Variants in LDB2 observed in about 807,000 individuals in gnomAD.
The protein encoded by LDB2 is LIM domain-binding protein 2.
A neutral mutation model predicts 44.3 loss-of-function variants in LDB2; 12 were observed. The ratio of observed to expected loss-of-function variants is 0.27; its 90% confidence interval spans 0.17 to 0.44. The LOEUF (loss-of-function observed/expected upper bound fraction) is 0.44. LDB2 is among the 20% of genes least tolerant of loss of function. The pLI is 1.00. For synonymous variants in LDB2, 164 were observed against 174.8 expected, an observed-to-expected ratio of 0.94 and a Z score of 0.49; for missense variants, 344 against 473.5, an observed-to-expected ratio of 0.73 and a Z score of 2.54.
At chr4:16,778,838 T>A (rs1179941192) in intron 1 of LDB2, among the ~76,000 whole-genome samples, 1 of 152,124 alleles carries the variant, frequency 6.6e-6, no homozygotes, top group Non-Finnish European at 1.5e-5. Context: ...CATAGACAAA[T>A]ATATAACAAA....
At chr4:16,782,051 A>T (rs1172019021) in intron 1 of LDB2, among the ~76,000 whole-genome samples, 1 of 152,192 alleles carries the variant, frequency 6.6e-6, no homozygotes, top group Non-Finnish European at 1.5e-5. Flanking sequence ...GTGTGTGGTG[A>T]CTTGTTAGGG....
chr4:16,695,472 A>G (rs2152616227), intron 2 of LDB2, among the ~76,000 whole-genome samples: 1 of 151,914 alleles, frequency 6.6e-6, no homozygotes, highest in East Asian at 1.9e-4. Context: ...AAAAAAAAAA[A>G]GAAGAAGAAA....
chr4:16,614,109 C>T (rs572572026), intron 2 of LDB2, among the ~76,000 whole-genome samples: 2 of 152,198 alleles, frequency 1.3e-5, no homozygotes, highest in East Asian at 3.9e-4. Context: ...TCAGAAATAA[C>T]ACCACACATA....
intron 2 of LDB2, among the ~76,000 whole-genome samples, chr4:16,672,668 A>G (rs1745108968): frequency 3.3e-5 from 5 of 152,222 alleles, no homozygotes; most frequent in Admixed American, 1.3e-4. Context: ...AGGCAGGCCA[A>G]CATCAATGGA....
intron 2 of LDB2, among the ~76,000 whole-genome samples, chr4:16,742,983 T>A (rs1763638711): frequency 6.6e-6 from 1 of 152,180 alleles, no homozygotes; most frequent in African/African-American, 2.4e-5. Context: ...AGGGCAGTTT[T>A]CCCTTGTTTG....
chr4:16,812,053 C>T (rs1474916519), intron 1 of LDB2, among the ~76,000 whole-genome samples: 2 of 152,330 alleles, frequency 1.3e-5, no homozygotes, highest in African/African-American at 4.8e-5. Context: ...ATCTTGCACT[C>T]TATTACCTGG....
chr4:16,664,747 C>A (rs1416702762), intron 2 of LDB2, among the ~76,000 whole-genome samples: 1 of 152,252 alleles, frequency 6.6e-6, no homozygotes, highest in Non-Finnish European at 1.5e-5. Flanking sequence ...TCTTTCCCCA[C>A]CTTTCAGGTG....
At chr4:16,829,217 C>T (rs984427847) in intron 1 of LDB2, among the ~76,000 whole-genome samples, 4 of 152,072 alleles carry the variant, frequency 2.6e-5, no homozygotes, top group African/African-American at 9.7e-5. Flanking sequence ...CACTGGCTAC[C>T]CAGTCAATCG....
At chr4:16,847,595 ATGTT>A (rs77897455) in intron 1 of LDB2, among the ~76,000 whole-genome samples, 1,651 of 141,788 alleles carry the variant, frequency 0.012, 16 homozygotes, top group East Asian at 0.016. Context: ...TCTTTAACAC[ATGTT>A]TGTTTGTTTG....
rs536175960 is a variant in LDB2 at position 16,857,073 on chromosome 4, C to T, written c.132+41281G>A. On this transcript the variant is annotated intron_variant, in intron 1 of 7. Coordinates refer to ENST00000304523, the MANE Select transcript of LDB2 (RefSeq NM_001290.5). ...TAGAGCTTTTGTTGACCATGCAAGC[C>T]CATCATGACCCCGTTACTAATTCTC... Among the ~76,000 whole-genome samples the T allele has an allele frequency of 1.1e-4, 16 of 152,206 alleles. No homozygotes were observed. In the South Asian group the frequency reaches 2.9e-3, roughly 28 times the overall value.
At chr4:16,674,309 T>C (rs1745682768) in intron 2 of LDB2, 3 of 1,269,844 alleles carry the variant, frequency 2.4e-6, no homozygotes, top group Non-Finnish European at 3.1e-6. Flanking sequence ...CATCTGCCGC[T>C]GAATGCACAA....
intron 2 of LDB2, among the ~76,000 whole-genome samples, chr4:16,728,395 C>T (rs1314479138): frequency 6.6e-6 from 1 of 151,858 alleles, no homozygotes; most frequent in African/African-American, 2.4e-5. Flanking sequence ...GATGAGATAG[C>T]TAGATTAGCT....
At chr4:16,686,296 G>A (rs566788147) in intron 2 of LDB2, among the ~76,000 whole-genome samples, 1 of 152,254 alleles carries the variant, frequency 6.6e-6, no homozygotes, top group African/African-American at 2.4e-5. Flanking sequence ...TGCACAATTA[G>A]GAAGAAGTTT....
chr4:16,508,544 A>G lies in LDB2; in HGVS notation c.882T>C (p.Ser294=). 6.3e-7 allele frequency: 1 copy of G among 1,593,614 alleles called. No homozygotes were observed. The highest frequency in any genetic ancestry group is 2.3e-5 in the East Asian group (1 of 43,838). Residue 294 remains serine (S), a synonymous_variant, in exon 7 of 8, where the codon AGT becomes AGC. Transcript: ENST00000304523. ...KTTAANLSLS[S]QVPDVMVVGE... ...GGAAAGCGAGACTTACAGGTACCTG[A>G]CTGGACAGACTCAGGTTTGCAGCTG...
chr4:16,849,887 C>T (rs932561001), intron 1 of LDB2, among the ~76,000 whole-genome samples: 19 of 152,140 alleles, frequency 1.2e-4, no homozygotes, highest in African/African-American at 4.6e-4. Flanking sequence ...AGCACACATG[C>T]TAGTCATCTG....
At chr4:16,809,328 A>G (rs922148969) in intron 1 of LDB2, among the ~76,000 whole-genome samples, 13 of 152,004 alleles carry the variant, frequency 8.6e-5, no homozygotes, top group African/African-American at 3.2e-4. Flanking sequence ...CAAATATTCA[A>G]TTAAGCTCAT....
chr4:16,692,753 C>G (rs959886269), intron 2 of LDB2, among the ~76,000 whole-genome samples: 1 of 152,060 alleles, frequency 6.6e-6, no homozygotes, highest in East Asian at 1.9e-4. Flanking sequence ...AGAAACCATT[C>G]GCAGTCCATG....
intron 2 of LDB2, among the ~76,000 whole-genome samples, chr4:16,669,122 C>T (rs924547652): frequency 1.2e-4 from 19 of 152,168 alleles, no homozygotes; most frequent in African/African-American, 4.3e-4. Flanking sequence ...GCAACCAAAG[C>T]AAGAATCATC....
intron 1 of LDB2, among the ~76,000 whole-genome samples, chr4:16,777,467 C>T (rs183884176): frequency 2.2e-4 from 33 of 152,160 alleles, no homozygotes; most frequent in Non-Finnish European, 3.5e-4. Context: ...TGGAAGCTGG[C>T]GGTGGGAGGC....
Sources: gnomAD v4.1 joint callset for allele counts (sites outside exome capture counted in the v4.1 genomes callset) on GRCh38, gnomAD v4.1.1 for gene constraint, MANE v1.5 for transcripts, NCBI Gene and HGNC (gene_info 2026-07-23, HGNC 2026-07-21) for gene names.